Variants in RBM20 observed in about 807,000 individuals in gnomAD.
RBM20 encodes the protein RNA binding motif protein 20, also known as RNA-binding protein 20.
A neutral mutation model predicts 110.1 loss-of-function variants in RBM20; 51 were observed. The observed-to-expected ratio is 0.46, with a 90% CI of 0.37 to 0.59. The LOEUF (loss-of-function observed/expected upper bound fraction) is 0.59. Among genes scored for constraint, RBM20 ranks in the 20% least tolerant of loss-of-function variants. RBM20 has a pLI of 0.00. For synonymous variants in RBM20, 589 were observed against 618.2 expected (o/e 0.95, Z 0.70); for missense variants, 1,512 against 1,574.9 (o/e 0.96, Z 0.68).
intron 13 of RBM20, among the ~76,000 whole-genome samples, chr10:110,832,036 T>C (rs1845062720): frequency 6.6e-6 from 1 of 152,238 alleles, no homozygotes; most frequent in African/African-American, 2.4e-5. Flanking sequence ...AAATGAATTT[T>C]TATTTCAGAG....
intron 1 of RBM20, among the ~76,000 whole-genome samples, chr10:110,699,157 C>T (rs1489757551): frequency 6.6e-6 from 1 of 151,952 alleles, no homozygotes; most frequent in African/African-American, 2.4e-5. Context: ...CTTAACCTTT[C>T]CAGACCCACG....
intron 1 of RBM20, among the ~76,000 whole-genome samples, chr10:110,668,375 G>A (rs1290094486): frequency 1.3e-5 from 2 of 152,112 alleles, no homozygotes; most frequent in African/African-American, 2.4e-5. Context: ...ATACTGAAAA[G>A]CATAAAACAA....
At chr10:110,782,797 G>A (rs952735673) in intron 2 of RBM20, among the ~76,000 whole-genome samples, 2 of 151,744 alleles carry the variant, frequency 1.3e-5, no homozygotes, top group African/African-American at 4.9e-5. Context: ...TGCAGAGTGT[G>A]AGTCACACTG....
chr10:110,727,342 A>G (rs1229598599), intron 1 of RBM20, among the ~76,000 whole-genome samples: 3 of 148,074 alleles, frequency 2.0e-5, no homozygotes, highest in Admixed American at 6.8e-5. Context: ...CTGCAATTGT[A>G]TCTTTTTCCA....
chr10:110,716,911 CA>C (rs61347215), intron 1 of RBM20, among the ~76,000 whole-genome samples: 19,188 of 92,264 alleles, frequency 0.21, 1,313 homozygotes, highest in African/African-American at 0.27. Flanking sequence ...AACTCCGTCT[CA>C]AAAAAAAAAA....
At chr10:110,721,228 C>T (rs1843500729) in intron 1 of RBM20, among the ~76,000 whole-genome samples, 2 of 152,204 alleles carry the variant, frequency 1.3e-5, no homozygotes, top group African/African-American at 2.4e-5. Context: ...AATGTCATTT[C>T]CATGAGGAGA....
At chr10:110,800,753 G>A (rs1255184822) in intron 7 of RBM20, among the ~76,000 whole-genome samples, 2 of 152,112 alleles carry the variant, frequency 1.3e-5, no homozygotes, top group Non-Finnish European at 2.9e-5. Context: ...TTATGGTTTA[G>A]TTTTGCCTGT....
chr10:110,656,241 A>G (rs532363619), intron 1 of RBM20, among the ~76,000 whole-genome samples: 1 of 152,158 alleles, frequency 6.6e-6, no homozygotes, highest in Non-Finnish European at 1.5e-5. Flanking sequence ...GGCAGAGGTT[A>G]CAACAGTGAG....
chr10:110,812,215 G>A, intron 8 of RBM20, 63 bp from the exon 9 acceptor site: 1 of 1,384,572 alleles, frequency 7.2e-7, no homozygotes, highest in Non-Finnish European at 9.7e-7. Flanking sequence ...GTGTGTCTGT[G>A]TGTGGGTGGG....
intron 1 of RBM20, among the ~76,000 whole-genome samples, chr10:110,745,220 G>C (rs1289114077): frequency 6.6e-6 from 1 of 152,212 alleles, no homozygotes; most frequent in East Asian, 1.9e-4. Context: ...CTGCTGTAAA[G>C]ACTTTCTAGC....
Position 110,812,821 on chromosome 10 carries a change from G to T in RBM20, c.2424G>T (p.Gly808=), listed in dbSNP as rs1221011995. ...ACTCAGGCAAGGAAGATGGGCTGGG[G>T]CCAAAGGTCACTAGGGCCCCTGAGG... The part of the protein sequence containing the change: ...PDDSGKEDGL[G]PKVTRAPEGA... Residue 808 remains glycine (G), a synonymous_variant, in exon 9 of 14, where the codon GGG becomes GGT. Transcript: ENST00000369519. The T allele has an allele frequency of 8.4e-6, 13 of 1,547,102 alleles. No homozygotes were observed. Among genetic ancestry groups the T allele is most frequent in the Non-Finnish European group, 1.0e-5 (12 of 1,144,290 alleles).
chr10:110,779,778 G>A (rs753226220), intron 1 of RBM20, among the ~76,000 whole-genome samples: 2 of 152,222 alleles, frequency 1.3e-5, no homozygotes, highest in Non-Finnish European at 2.9e-5. Context: ...GAAGTGGTTC[G>A]TGTTGTGAGA....
chr10:110,810,909 T>C (rs2135101062), intron 8 of RBM20, among the ~76,000 whole-genome samples: 1 of 152,186 alleles, frequency 6.6e-6, no homozygotes, highest in Non-Finnish European at 1.5e-5. Context: ...ATAAGTTGAA[T>C]GTAGATGTAG....
At chr10:110,815,429 T>C (rs571529549) in intron 9 of RBM20, among the ~76,000 whole-genome samples, 1 of 152,334 alleles carries the variant, frequency 6.6e-6, no homozygotes, top group Non-Finnish European at 1.5e-5. Context: ...TGGAAGACAC[T>C]GTGTGCCTCA....
chr10:110,786,638 C>T (rs1844422578), intron 5 of RBM20, among the ~76,000 whole-genome samples: 1 of 152,250 alleles, frequency 6.6e-6, no homozygotes, highest in South Asian at 2.1e-4. Context: ...AGCTTCGGGT[C>T]AGTCCCAGGA....
At chr10:110,806,915 C>T (rs1844702070) in intron 7 of RBM20, among the ~76,000 whole-genome samples, 1 of 152,190 alleles carries the variant, frequency 6.6e-6, no homozygotes, top group South Asian at 2.1e-4. Flanking sequence ...TTTCTTAGGG[C>T]TTTCCGAAGT....
intron 1 of RBM20, among the ~76,000 whole-genome samples, chr10:110,657,110 G>A (rs890673270): frequency 2.0e-5 from 3 of 151,680 alleles, no homozygotes; most frequent in Non-Finnish European, 4.4e-5. Flanking sequence ...TCTTCCTCCC[G>A]GGTTCAAGCG....
intron 7 of RBM20, among the ~76,000 whole-genome samples, chr10:110,805,765 G>T (rs939872185): frequency 6.6e-6 from 1 of 152,206 alleles, no homozygotes; most frequent in African/African-American, 2.4e-5. Flanking sequence ...ACTGCATGGG[G>T]CTTGGAATCT....
At chr10:110,658,013 A>G (rs944226024) in intron 1 of RBM20, among the ~76,000 whole-genome samples, 2 of 151,960 alleles carry the variant, frequency 1.3e-5, no homozygotes, top group African/African-American at 4.8e-5. Flanking sequence ...AGAATCAATC[A>G]CTCATTAGTT....
Sources: gnomAD v4.1 joint callset for allele counts (sites outside exome capture counted in the v4.1 genomes callset) on GRCh38, gnomAD v4.1.1 for gene constraint, MANE v1.5 for transcripts, NCBI Gene and HGNC (gene_info 2026-07-23, HGNC 2026-07-21) for gene names.